Variants in LRBA observed in about 807,000 individuals in gnomAD.
LRBA encodes the protein lipopolysaccharide-responsive and beige-like anchor protein.
A neutral mutation model predicts 330.0 loss-of-function variants in LRBA; 176 were observed. That is an observed-to-expected ratio of 0.53 (90% confidence interval 0.47 to 0.60). The LOEUF (loss-of-function observed/expected upper bound fraction) is 0.60, where lower values mean the gene tolerates loss of function less well. Among genes scored for constraint, LRBA ranks in the 20% least tolerant of loss-of-function variants. The probability of loss-of-function intolerance (pLI) is 0.00; values close to 1 mark genes in which losing one functional copy is unlikely to be tolerated. For missense variants in LRBA, 3,259 were observed against 3,444.8 expected (o/e 0.95, Z 1.35); for synonymous variants, 1,230 against 1,193.0 (o/e 1.03, Z -0.64).
At chr4:150,379,881 G>A (rs1316024875) in intron 47 of LRBA, among the ~76,000 whole-genome samples, 1 of 151,940 alleles carries the variant, frequency 6.6e-6, no homozygotes, top group Non-Finnish European at 1.5e-5. Flanking sequence ...AAGAATTAAT[G>A]GCTGGGTGCA....
chr4:150,604,488 T>G (rs919284133), intron 37 of LRBA, among the ~76,000 whole-genome samples: 3 of 152,110 alleles, frequency 2.0e-5, no homozygotes, highest in Non-Finnish European at 4.4e-5. Flanking sequence ...AATATTCTAA[T>G]AAAATACCAA....
chr4:150,740,643 T>TTAA (rs1560754520), intron 35 of LRBA, among the ~76,000 whole-genome samples: 1 of 136,174 alleles, frequency 7.3e-6, no homozygotes, highest in African/African-American at 2.7e-5. Flanking sequence ...GAAAGAATGG[T>TTAA]AAAAAAAAAA....
chr4:150,273,147 G>A (rs1746350203), intron 56 of LRBA, among the ~76,000 whole-genome samples: 1 of 152,212 alleles, frequency 6.6e-6, no homozygotes, highest in South Asian at 2.1e-4. Flanking sequence ...AGAGAGTGGG[G>A]GCCAATATTC....
intron 48 of LRBA, among the ~76,000 whole-genome samples, chr4:150,338,021 T>C (rs897631017): frequency 1.3e-5 from 2 of 152,178 alleles, no homozygotes; most frequent in African/African-American, 4.8e-5. Context: ...GATTTGCTAC[T>C]GCTGTCATGA....
intron 2 of LRBA, among the ~76,000 whole-genome samples, chr4:150,931,520 G>A (rs1734501025): frequency 6.6e-6 from 1 of 151,490 alleles, no homozygotes; most frequent in Admixed American, 6.6e-5. Flanking sequence ...CAAAACTTTG[G>A]GAGGCTAAGA....
At position 150,978,270 on chromosome 4, in the gene LRBA, T is replaced by A. The variant is rs1260162548; in HGVS notation, c.216+36157A>T. ...GTCTCCACCTGGTAACCAACAGAAT[T>A]CTTCCAGATCTTATCCAAGACCACC... On this transcript the variant is annotated intron_variant, in intron 2 of 56. Transcript: ENST00000651943. Among the ~76,000 whole-genome samples the A allele has an allele frequency of 3.3e-5, 5 of 152,360 alleles. No homozygotes were observed. In the East Asian group the frequency reaches 9.6e-4, roughly 29 times the overall value.
chr4:150,303,610 C>T lies in LRBA; in HGVS notation c.7850-818G>A, dbSNP rs1056161098. On this transcript the variant is annotated intron_variant, in intron 52 of 56. Transcript: ENST00000651943. ...TTTTTGAGGCGGAGTCTCGTTCTGT[C>T]GCCCAGGCTGGAGTGTAGTGGCGCG... 5.3e-5 allele frequency among the ~76,000 whole-genome samples: 8 copies of T among 151,534 alleles called. No individual in the cohort carries two copies. The East Asian group carries it at 9.8e-4, about 19-fold the overall frequency.
At chr4:150,991,080 GAAGAAA>G (rs920950230) in intron 2 of LRBA, among the ~76,000 whole-genome samples, 4 of 148,036 alleles carry the variant, frequency 2.7e-5, no homozygotes, top group Admixed American at 2.0e-4. Flanking sequence ...AGAAGACGAA[GAAGAAA>G]AAGAGGAGGA....
intron 37 of LRBA, among the ~76,000 whole-genome samples, chr4:150,611,014 C>T (rs1293850484): frequency 6.6e-6 from 1 of 152,136 alleles, no homozygotes; most frequent in Non-Finnish European, 1.5e-5. Flanking sequence ...GAAGATTATA[C>T]TGTACTTGAA....
intron 40 of LRBA, among the ~76,000 whole-genome samples, chr4:150,527,927 A>C (rs537276534): frequency 6.6e-6 from 1 of 152,348 alleles, no homozygotes; most frequent in South Asian, 2.1e-4. Flanking sequence ...CTGTACTATC[A>C]CATTTCTTGA....
chr4:150,621,240 T>C (rs1776261151), intron 37 of LRBA, among the ~76,000 whole-genome samples: 1 of 152,224 alleles, frequency 6.6e-6, no homozygotes, highest in Non-Finnish European at 1.5e-5. Flanking sequence ...TTTATAATGA[T>C]TCAAATGCTC....
intron 2 of LRBA, among the ~76,000 whole-genome samples, chr4:151,011,839 T>C (rs897410713): frequency 4.6e-5 from 7 of 151,812 alleles, no homozygotes; most frequent in Non-Finnish European, 7.4e-5. Context: ...CATGCCCAGC[T>C]AATTTTTTAT....
intron 40 of LRBA, among the ~76,000 whole-genome samples, chr4:150,558,528 G>A (rs1325917852): frequency 6.6e-6 from 1 of 152,098 alleles, no homozygotes; most frequent in Non-Finnish European, 1.5e-5. Flanking sequence ...GGACACTTAT[G>A]TATGTTCTGG....
At chr4:150,614,343 A>C (rs1166139452) in intron 37 of LRBA, among the ~76,000 whole-genome samples, 1 of 152,238 alleles carries the variant, frequency 6.6e-6, no homozygotes, top group Non-Finnish European at 1.5e-5. Flanking sequence ...ATAGAAAATT[A>C]GACTATAGGG....
chr4:150,876,784 TA>T (rs1218211380), intron 17 of LRBA, among the ~76,000 whole-genome samples: 1 of 152,076 alleles, frequency 6.6e-6, no homozygotes, highest in East Asian at 1.9e-4. Context: ...GCAAACCTTA[TA>T]AAACAACCAC....
At chr4:150,446,168 G>T (rs1273668265) in intron 44 of LRBA, among the ~76,000 whole-genome samples, 1 of 152,092 alleles carries the variant, frequency 6.6e-6, no homozygotes. Context: ...GGCCAGGAAG[G>T]GTAAGGGGAA....
At chr4:150,486,474 T>C (rs957210271) in intron 42 of LRBA, among the ~76,000 whole-genome samples, 2 of 151,870 alleles carry the variant, frequency 1.3e-5, no homozygotes, top group African/African-American at 4.8e-5. Flanking sequence ...GCATTTTTTA[T>C]AATAATGAAA....
intron 36 of LRBA, chr4:150,721,406 A>C: frequency 3.3e-6 from 1 of 301,736 alleles, no homozygotes; most frequent in Non-Finnish European, 6.4e-6. Flanking sequence ...CCGAAGTCAA[A>C]GTTATAACAT....
At chr4:150,536,641 G>A (rs533007645) in intron 40 of LRBA, among the ~76,000 whole-genome samples, 6 of 152,264 alleles carry the variant, frequency 3.9e-5, no homozygotes, top group African/African-American at 7.2e-5. Flanking sequence ...ACTAATCAGC[G>A]TTAAAAAATG....
Sources: allele counts gnomAD v4.1 joint callset (sites outside exome capture counted in the v4.1 genomes callset), GRCh38; gene constraint gnomAD v4.1.1; transcripts MANE v1.5; gene names NCBI Gene and HGNC (gene_info 2026-07-23, HGNC 2026-07-21).